The following CBLN2 variants were observed in gnomAD, a reference collection of about 807,000 sequenced individuals.
CBLN2 encodes the protein cerebellin-2.
A neutral mutation model predicts 15.0 loss-of-function variants in CBLN2; 7 were observed. The ratio of observed to expected loss-of-function variants is 0.47; its 90% CI spans 0.27 to 0.88. The LOEUF is 0.88. Among genes scored for constraint, CBLN2 ranks in the 40% least tolerant of loss-of-function variants. The pLI, the probability that CBLN2 is intolerant of heterozygous loss-of-function variation, is 0.14. For missense variants in CBLN2, 242 were observed against 304.5 expected, an observed-to-expected ratio of 0.79 and a Z score of 1.53; for synonymous variants, 149 against 135.2, an observed-to-expected ratio of 1.10 and a Z score of -0.71.
At chr18:72,578,281 T>A (rs2069381079) in intron 1 of CBLN2, among the ~76,000 whole-genome samples, 1 of 152,228 alleles carries the variant, frequency 6.6e-6, no homozygotes, top group African/African-American at 2.4e-5. Flanking sequence ...ATCAATTTAC[T>A]GTTTAAAACT....
intron 1 of CBLN2, among the ~76,000 whole-genome samples, chr18:72,602,648 G>A (rs144267787): frequency 3.3e-5 from 5 of 152,256 alleles, no homozygotes; most frequent in East Asian, 1.9e-4. Context: ...TTATGTGTAA[G>A]TGAGATTTTC....
chr18:72,631,707 T>A (rs2069778118), intron 1 of CBLN2, among the ~76,000 whole-genome samples: 1 of 152,130 alleles, frequency 6.6e-6, no homozygotes, highest in African/African-American at 2.4e-5. Flanking sequence ...CTCATAAAGC[T>A]TGACACTCCT....
At chr18:72,576,517 G>T (rs2144912767) in intron 1 of CBLN2, among the ~76,000 whole-genome samples, 1 of 152,274 alleles carries the variant, frequency 6.6e-6, no homozygotes, top group South Asian at 2.1e-4. Flanking sequence ...AAAAGGTAGT[G>T]ATTTTAAAAC....
intron 1 of CBLN2, among the ~76,000 whole-genome samples, chr18:72,614,911 A>G (rs770904405): frequency 8.0e-5 from 12 of 150,924 alleles, no homozygotes; most frequent in Non-Finnish European, 1.0e-4. Context: ...ATAGTTATGT[A>G]TTACAAGAAT....
intron 1 of CBLN2, among the ~76,000 whole-genome samples, chr18:72,580,976 C>G (rs941121034): frequency 5.9e-5 from 9 of 152,136 alleles, no homozygotes; most frequent in Non-Finnish European, 1.3e-4. Flanking sequence ...TTCCGCTAAG[C>G]CAGTTTGAGA....
At chr18:72,580,252 T>C (rs597280) in intron 1 of CBLN2, among the ~76,000 whole-genome samples, 47,641 of 151,998 alleles carry the variant, frequency 0.31, 9,940 homozygotes, top group African/African-American at 0.59. Context: ...ATAAAAATGC[T>C]TAAAAATTCA....
chr18:72,558,900 A>G (rs1011641744), intron 1 of CBLN2, among the ~76,000 whole-genome samples: 4 of 152,124 alleles, frequency 2.6e-5, no homozygotes, highest in African/African-American at 9.7e-5. Flanking sequence ...CTAAAAATAC[A>G]AAACATTAGC....
chr18:72,615,270 A>T (rs972532094), intron 1 of CBLN2, among the ~76,000 whole-genome samples: 4 of 16,888 alleles, frequency 2.4e-4, no homozygotes, highest in Non-Finnish European at 1.1e-3. Context: ...TGTATATATT[A>T]TATATATATA....
intron 1 of CBLN2, among the ~76,000 whole-genome samples, chr18:72,560,904 G>A (rs1286374240): frequency 6.6e-6 from 1 of 152,116 alleles, no homozygotes; most frequent in East Asian, 1.9e-4. Context: ...AGCTACTTGG[G>A]AGGCTGAGGC....
intron 1 of CBLN2, among the ~76,000 whole-genome samples, chr18:72,596,708 T>G (rs541652336): frequency 6.6e-6 from 1 of 152,356 alleles, no homozygotes; most frequent in South Asian, 2.1e-4. Flanking sequence ...GAATAAAAGT[T>G]GTTTTCTTTC....
Position 72,575,212 on chromosome 18 carries a change from G to A in CBLN2, c.16-36440C>T, listed in dbSNP as rs776742126. Among the ~76,000 whole-genome samples, 8 of 152,218 alleles carry A rather than the reference G, an allele frequency of 5.3e-5. No homozygotes were observed. In the South Asian group the frequency reaches 1.5e-3, roughly 28 times the overall value. On this transcript the variant is annotated intron_variant, in intron 1 of 2. Coordinates refer to the CBLN2 transcript ENST00000581073. ...CAGGTGCTGAGACAATGGAGGGTCT[G>A]GCATTGTTGCTGATGGCAAAGTCAG...
chr18:72,552,877 T>C (rs1233562735), intron 1 of CBLN2, among the ~76,000 whole-genome samples: 2 of 152,114 alleles, frequency 1.3e-5, no homozygotes, highest in Non-Finnish European at 2.9e-5. Context: ...AAGGGAAACA[T>C]TGCGAAAATT....
chr18:72,560,391 C>G (rs999866839), intron 1 of CBLN2, among the ~76,000 whole-genome samples: 1 of 152,224 alleles, frequency 6.6e-6, no homozygotes, highest in Non-Finnish European at 1.5e-5. Flanking sequence ...CTTTATCAGC[C>G]TACAATGGAG....
At chr18:72,552,125 T>G (rs1442944677) in intron 1 of CBLN2, among the ~76,000 whole-genome samples, 2 of 151,946 alleles carry the variant, frequency 1.3e-5, no homozygotes, top group African/African-American at 2.4e-5. Flanking sequence ...AGACAGACTT[T>G]CGCTCTTTTT....
At chr18:72,613,870 T>C (rs1478451600) in intron 1 of CBLN2, among the ~76,000 whole-genome samples, 1 of 152,214 alleles carries the variant, frequency 6.6e-6, no homozygotes, top group Non-Finnish European at 1.5e-5. Context: ...GCCTTTCAAA[T>C]TCATATTAGC....
At chr18:72,594,759 T>C (rs986246362) in intron 1 of CBLN2, among the ~76,000 whole-genome samples, 1 of 152,138 alleles carries the variant, frequency 6.6e-6, no homozygotes, top group Non-Finnish European at 1.5e-5. Context: ...TAAATCTTGG[T>C]AGGTTGTATG....
At chr18:72,554,333 C>T (rs190751764) in intron 1 of CBLN2, among the ~76,000 whole-genome samples, 35 of 151,548 alleles carry the variant, frequency 2.3e-4, no homozygotes, top group Admixed American at 9.2e-4. Flanking sequence ...TTTCTTTAAC[C>T]GGCCTTTTAA....
At chr18:72,623,735 T>C (rs1219817440) in intron 1 of CBLN2, among the ~76,000 whole-genome samples, 1 of 152,082 alleles carries the variant, frequency 6.6e-6, no homozygotes, top group Non-Finnish European at 1.5e-5. Flanking sequence ...GGGACTTGGA[T>C]TGTGAACAAC....
At chr18:72,569,459 T>C (rs2069316377) in intron 1 of CBLN2, among the ~76,000 whole-genome samples, 1 of 152,206 alleles carries the variant, frequency 6.6e-6, no homozygotes, top group Non-Finnish European at 1.5e-5. Context: ...TTTGATTTAA[T>C]ATATGAAAAC....
Sources: gnomAD v4.1 joint callset for allele counts (sites outside exome capture counted in the v4.1 genomes callset) on GRCh38, gnomAD v4.1.1 for gene constraint, MANE v1.5 for transcripts, NCBI Gene and HGNC (gene_info 2026-07-23, HGNC 2026-07-21) for gene names.